DKK2: variants seen among roughly 807,000 people sequenced by gnomAD.
The protein encoded by DKK2 is dickkopf Wnt signaling pathway inhibitor 2, also known as dickkopf-related protein 2.
DKK2 carries 11 observed loss-of-function variants against 28.1 expected under a neutral mutation model. The observed-to-expected ratio is 0.39, with a 90% CI of 0.25 to 0.65. The LOEUF (loss-of-function observed/expected upper bound fraction) is 0.65. DKK2 is among the 30% of genes least tolerant of loss of function. The pLI is 0.47. For missense variants in DKK2, 326 were observed against 335.5 expected (o/e 0.97, Z 0.22); for synonymous variants, 135 against 126.5 (o/e 1.07, Z -0.45).
At position 107,010,575 on chromosome 4, in the gene DKK2, C is replaced by T. The variant is rs17037215; in HGVS notation, c.222+24795G>A. ...AGTATGTGGTCCAACTTTAGTAAGA[C>T]GTGTCAAGTCTCAGAAACTGGAACA... On this transcript the variant is annotated intron_variant, in intron 1 of 3. Coordinates refer to ENST00000285311, the MANE Select transcript of DKK2 (RefSeq NM_014421.3). 9.6e-3 allele frequency among the ~76,000 whole-genome samples: 1,455 copies of T among 151,494 alleles called. 33 individuals carry two copies. The highest frequency in any genetic ancestry group is 0.034 in the African/African-American group (1,408 of 41,444).
At chr4:107,019,186 T>G (rs1723655285) in intron 1 of DKK2, among the ~76,000 whole-genome samples, 1 of 151,964 alleles carries the variant, frequency 6.6e-6, no homozygotes, top group Non-Finnish European at 1.5e-5. Flanking sequence ...AACTCCAACT[T>G]GGGAAAAAAC....
At chr4:107,034,469 T>C (rs1033708608) in intron 1 of DKK2, among the ~76,000 whole-genome samples, 1 of 152,164 alleles carries the variant, frequency 6.6e-6, no homozygotes, top group Non-Finnish European at 1.5e-5. Context: ...GTACCGAGTG[T>C]GCGCGCTCGT....
rs1724642278 is a variant in DKK2, at chr4:106,938,768, C to A, written c.223-12819G>T. On this transcript the variant is annotated intron_variant, in intron 1 of 3. Transcript: ENST00000285311. ...CATCAAAAAGCTTATTCACCATGAT[C>A]AAGTGGGCTTCATCCCTGGGATGCA... Among the ~76,000 whole-genome samples the A allele has an allele frequency of 2.0e-5, 3 of 152,000 alleles. No homozygotes were observed. In the South Asian group the frequency reaches 6.3e-4, roughly 32 times the overall value.
chr4:106,939,650 A>C (rs1387789639), intron 1 of DKK2, among the ~76,000 whole-genome samples: 1 of 152,232 alleles, frequency 6.6e-6, no homozygotes, highest in Non-Finnish European at 1.5e-5. Context: ...CGCATCGCCA[A>C]GTCAATCCTA....
In DKK2 at chr4:106,988,571, C is replaced by T. The variant is rs116515520; in HGVS notation, c.222+46799G>A. On this transcript the variant is annotated intron_variant, in intron 1 of 3. Coordinates refer to ENST00000285311, the MANE Select transcript of DKK2 (RefSeq NM_014421.3). ...GCAGCTGTGCACAATTCCAAATTAA[C>T]GTGAGTTCAAGTACAGGGTCTACCT... 1.6e-3 allele frequency among the ~76,000 whole-genome samples: 236 copies of T among 152,194 alleles called. 1 individual carries two copies. The highest frequency in any genetic ancestry group is 5.3e-3 in the African/African-American group (222 of 41,542).
intron 1 of DKK2, among the ~76,000 whole-genome samples, chr4:106,971,749 G>A (rs1019160148): frequency 1.3e-5 from 2 of 152,006 alleles, no homozygotes; most frequent in Admixed American, 1.3e-4. Flanking sequence ...TAGATGCCTT[G>A]GCGGCTAATC....
At chr4:107,024,083 C>G (rs1723735265) in intron 1 of DKK2, among the ~76,000 whole-genome samples, 1 of 152,078 alleles carries the variant, frequency 6.6e-6, no homozygotes, top group South Asian at 2.1e-4. Flanking sequence ...CCAATACAAC[C>G]TGGCTTTACA....
At chr4:106,990,211 T>G (rs1054389540) in intron 1 of DKK2, among the ~76,000 whole-genome samples, 2 of 152,252 alleles carry the variant, frequency 1.3e-5, no homozygotes, top group Admixed American at 1.3e-4. Flanking sequence ...ATACAAAATT[T>G]ATTTCCTCAG....
intron 1 of DKK2, among the ~76,000 whole-genome samples, chr4:106,956,665 T>G (rs1173222211): frequency 6.6e-6 from 1 of 152,108 alleles, no homozygotes; most frequent in Non-Finnish European, 1.5e-5. Context: ...GATTCCCTAT[T>G]TAATAAATGG....
chr4:107,032,514 A>T (rs1723890057), intron 1 of DKK2, among the ~76,000 whole-genome samples: 1 of 152,128 alleles, frequency 6.6e-6, no homozygotes, highest in Non-Finnish European at 1.5e-5. Flanking sequence ...TTAACGAATT[A>T]CTAAATTTAT....
At chr4:106,931,994 G>A (rs1219519946) in intron 1 of DKK2, among the ~76,000 whole-genome samples, 1 of 152,100 alleles carries the variant, frequency 6.6e-6, no homozygotes, top group Non-Finnish European at 1.5e-5. Context: ...AATGCATGAA[G>A]GTTTTGCCTT....
At chr4:106,947,068 T>A (rs1002018874) in intron 1 of DKK2, among the ~76,000 whole-genome samples, 1 of 152,084 alleles carries the variant, frequency 6.6e-6, no homozygotes. Flanking sequence ...TAGTCACAAC[T>A]CATTCAGGTG....
intron 1 of DKK2, among the ~76,000 whole-genome samples, chr4:106,986,904 T>G (rs1723128279): frequency 6.6e-6 from 1 of 152,236 alleles, no homozygotes; most frequent in Non-Finnish European, 1.5e-5. Flanking sequence ...AAGAGTGTAT[T>G]TCATTCATAT....
At chr4:106,960,539 A>G (rs1722671649) in intron 1 of DKK2, among the ~76,000 whole-genome samples, 1 of 152,160 alleles carries the variant, frequency 6.6e-6, no homozygotes, top group Non-Finnish European at 1.5e-5. Flanking sequence ...TATCCATATA[A>G]CCAAAAACCA....
intron 1 of DKK2, among the ~76,000 whole-genome samples, chr4:106,967,132 C>G (rs1722794469): frequency 6.6e-6 from 1 of 152,098 alleles, no homozygotes; most frequent in Non-Finnish European, 1.5e-5. Context: ...GAGCACTTAT[C>G]ACAGGCCAGG....
intron 1 of DKK2, among the ~76,000 whole-genome samples, chr4:107,025,185 C>A (rs1723755521): frequency 6.6e-6 from 1 of 152,162 alleles, no homozygotes; most frequent in Admixed American, 6.5e-5. Flanking sequence ...TCCAGCACCC[C>A]TCACTGGAGC....
chr4:106,967,416 T>C (rs532084455), intron 1 of DKK2, among the ~76,000 whole-genome samples: 2 of 152,110 alleles, frequency 1.3e-5, no homozygotes, highest in South Asian at 4.1e-4. Context: ...TGAGGAAAAG[T>C]ACCAGAAAGT....
chr4:106,929,483 T>C lies in DKK2; in HGVS notation c.223-3534A>G, dbSNP rs113332712. Among the ~76,000 whole-genome samples the C allele has an allele frequency of 4.4e-3, 667 of 152,312 alleles. 5 individuals are homozygous for C. Among genetic ancestry groups the C allele is most frequent in the African/African-American group, 0.015 (644 of 41,572 alleles). The stretch of plus-strand genomic sequence containing the variant: ...GCAGAATCATTCATTATTGCATCAG[T>C]TATAATTAGGAGATGAATTAATTCA... On this transcript the variant is annotated intron_variant, in intron 1 of 3. Coordinates refer to ENST00000285311, the MANE Select transcript of DKK2 (RefSeq NM_014421.3).
chr4:106,959,718 C>G (rs959011275), intron 1 of DKK2, among the ~76,000 whole-genome samples: 3 of 152,002 alleles, frequency 2.0e-5, no homozygotes, highest in Non-Finnish European at 4.4e-5. Flanking sequence ...AGCAAAAGTT[C>G]ACTCCTCGTT....
Sources: allele counts gnomAD v4.1 joint callset (sites outside exome capture counted in the v4.1 genomes callset), GRCh38; gene constraint gnomAD v4.1.1; transcripts MANE v1.5; gene names NCBI Gene and HGNC (gene_info 2026-07-23, HGNC 2026-07-21).